C15orf40: variants seen among roughly 807,000 people sequenced by gnomAD.
C15orf40 encodes UPF0235 protein C15orf40.
Under a neutral mutation model 13.9 loss-of-function variants are expected in C15orf40, and 9 were observed. That is an observed-to-expected ratio of 0.65 (90% CI 0.39 to 1.13). The LOEUF (loss-of-function observed/expected upper bound fraction) is 1.13, where lower values mean the gene tolerates loss of function less well. C15orf40 is among the 50% of genes most tolerant of loss of function. The pLI is 0.01. For synonymous variants in C15orf40, 95 were observed against 69.2 expected, an observed-to-expected ratio of 1.37 and a Z score of -1.85; for missense variants, 225 against 188.5, an observed-to-expected ratio of 1.19 and a Z score of -1.13.
intron 1 of C15orf40, chr15:83,010,954 G>A (rs17158132): frequency 0.051 from 7,892 of 155,332 alleles, 242 homozygotes; most frequent in East Asian, 0.12. Flanking sequence ...GTGCACCGAT[G>A]AGATAGGCAC....
rs1240262853 is a variant in C15orf40, at chr15:83,002,578, GGGCT to G, written c.*3015_*3018del. On this transcript the variant is annotated 3_prime_UTR_variant, in exon 4 of 4. Coordinates refer to ENST00000304177, the MANE Select transcript of C15orf40 (RefSeq NM_144597.3). ...ATAGAATGGCATTCCCTGATCACAGGGGCTGGCTTAGAAATTTCATGTGACTTGA... is the reference window on the plus strand; with the variant it reads ...ATAGAATGGCATTCCCTGATCACAGGGGCTTAGAAATTTCATGTGACTTGA... 6.6e-6 allele frequency: 1 copy of G among 152,236 alleles called. No homozygotes were observed. The highest frequency in any genetic ancestry group is 1.5e-5 in the Non-Finnish European group (1 of 68,058). The allele number at this position is 152,236 out of a possible 1,614,324, so 9.4% of individuals were successfully genotyped here. A position where few individuals can be genotyped will look rare whatever the true frequency, so the allele number is the denominator to read the frequency against.
chr15:83,004,252 A>G lies in C15orf40; in HGVS notation c.*1345T>C. On this transcript the variant is annotated 3_prime_UTR_variant, in exon 4 of 4. Transcript: ENST00000304177. ...CAACCTTCCAAAGCGCTGGGATTAC[A>G]GGCGTGAGCCACCAAGCCCAGCTAC... The G allele has an allele frequency of 1.1e-6, 1 of 902,926 alleles. No homozygotes were observed. The highest frequency in any genetic ancestry group is 1.3e-6 in the Non-Finnish European group (1 of 754,808). 55.9% of individuals were successfully genotyped at this position (902,926 alleles called of 1,614,324 possible).
chr15:82,991,209 C>A (rs1433714226), downstream of C15orf40, among the ~76,000 whole-genome samples: 2 of 152,014 alleles, frequency 1.3e-5, no homozygotes, highest in African/African-American at 4.8e-5. Flanking sequence ...TTAACAGGCA[C>A]CTTCCTGACT....
intron 3 of C15orf40, chr15:83,007,829 T>A (rs2031771230): frequency 6.6e-6 from 1 of 151,320 alleles, no homozygotes. Context: ...GAGGCAGAGG[T>A]TGCAGTGAGC....
At position 83,000,931 on chromosome 15, in the gene C15orf40, G is replaced by T; in HGVS notation, c.*4666C>A. 1 of 189,958 alleles carries T rather than the reference G, an allele frequency of 5.3e-6. No individual in the cohort carries two copies. Among genetic ancestry groups the T allele is most frequent in the Non-Finnish European group, 9.8e-6 (1 of 102,444 alleles). The allele number at this position is 189,958 out of a possible 1,614,324, so 11.8% of individuals were successfully genotyped here. A position where few individuals can be genotyped will look rare whatever the true frequency, so the allele number is the denominator to read the frequency against. The stretch of plus-strand genomic sequence containing the variant: ...GGGTTCAAGCAATTCTCAGGCCTCA[G>T]CCTCCCAAGTAGCTGGGACTACAGG... On this transcript the variant is annotated 3_prime_UTR_variant, in exon 4 of 4. Coordinates refer to ENST00000304177, the MANE Select transcript of C15orf40 (RefSeq NM_144597.3).
In C15orf40 at chr15:83,005,329, G is replaced by T; in HGVS notation, c.*268C>A. ...GAGAGAGTTTCACTCTTGTTGCCCAGGCTGGAGTGCAACGGCGCGATCTCG... is the reference window on the plus strand; with the variant it reads ...GAGAGAGTTTCACTCTTGTTGCCCATGCTGGAGTGCAACGGCGCGATCTCG... On this transcript the variant is annotated 3_prime_UTR_variant, in exon 4 of 4. Transcript: ENST00000304177. The T allele has an allele frequency of 1.1e-6, 1 of 931,734 alleles. No individual in the cohort carries two copies. The highest frequency in any genetic ancestry group is 1.3e-6 in the Non-Finnish European group (1 of 765,066). 57.7% of individuals were successfully genotyped at this position (931,734 alleles called of 1,614,324 possible). A position where few individuals can be genotyped will look rare whatever the true frequency, so the allele number is the denominator to read the frequency against.
At position 82,999,574 on chromosome 15, in the gene C15orf40, T is replaced by C. The variant is rs1421173754; in HGVS notation, c.*6023A>G. 1 of 152,202 alleles carries C rather than the reference T, an allele frequency of 6.6e-6. No homozygotes were observed. The highest frequency in any genetic ancestry group is 1.5e-5 in the Non-Finnish European group (1 of 68,052). 9.4% of individuals were successfully genotyped at this position (152,202 alleles called of 1,614,324 possible). A position where few individuals can be genotyped will look rare whatever the true frequency, so the allele number is the denominator to read the frequency against. ...ATGTGGTGTGAGCAGCTATCACGTG[T>C]ACATGCCACCCAGTACGGCTGTAGA... On this transcript the variant is annotated 3_prime_UTR_variant, in exon 4 of 4. Coordinates refer to ENST00000304177, the MANE Select transcript of C15orf40 (RefSeq NM_144597.3).
chr15:82,989,786 T>C (rs916965390), downstream of C15orf40: 4 of 1,427,378 alleles, frequency 2.8e-6, no homozygotes, highest in Non-Finnish European at 3.8e-6. Context: ...ATTTATTGTG[T>C]ATTAGAATGA....
At chr15:82,990,290 T>A, downstream of C15orf40, 1 of 241,826 alleles carries the variant, frequency 4.1e-6, no homozygotes, top group Non-Finnish European at 6.7e-6. Context: ...CCTCAGAATC[T>A]TCTTTGTTTC....
At position 83,011,553 on chromosome 15, in the gene C15orf40, C is replaced by A. The variant is rs781400072; in HGVS notation, c.55G>T (p.Gly19Cys). 3 of 1,606,884 alleles carry A rather than the reference C, an allele frequency of 1.9e-6. No individual in the cohort carries two copies. Among genetic ancestry groups the A allele is most frequent in the Admixed American group, 1.7e-5 (1 of 59,868 alleles). Reference sequence around the variant, plus strand: ...TCGGCGCAAAGAAGCCGAGCGGAGCCCCGAGTATTGGGTGTTGCCCGAAGG... The same window carrying A: ...TCGGCGCAAAGAAGCCGAGCGGAGCACCGAGTATTGGGTGTTGCCCGAAGG... ...RHLRATPNTR[G>C]SARLLCAEMP... The change falls in exon 1 of 4, where the codon GGC becomes TGC. Residue 19 changes from glycine to cysteine, a missense_variant. Gly to Cys is a radical substitution (Grantham distance 159, BLOSUM62 -3). Coordinates refer to ENST00000304177, the MANE Select transcript of C15orf40 (RefSeq NM_144597.3).
At chr15:83,006,103 T>C (rs2031665655) in intron 3 of C15orf40, among the ~76,000 whole-genome samples, 1 of 151,840 alleles carries the variant, frequency 6.6e-6, no homozygotes. Context: ...TGGTGGCATG[T>C]GCCTGTAATC....
downstream of C15orf40, chr15:82,991,805 T>C: frequency 9.2e-7 from 1 of 1,085,184 alleles, no homozygotes; most frequent in Non-Finnish European, 1.2e-6. Flanking sequence ...ATTACATCAG[T>C]AGGCAAGAAG....
At chr15:82,993,009 A>C (rs2030925416), downstream of C15orf40, among the ~76,000 whole-genome samples, 1 of 152,014 alleles carries the variant, frequency 6.6e-6, no homozygotes, top group Non-Finnish European at 1.5e-5. Flanking sequence ...CAAATAAAAT[A>C]GTGTCAAATA....
In C15orf40 at chr15:82,996,916, G is replaced by C. The variant is rs1179029874; in HGVS notation, c.*8681C>G. 2.0e-5 allele frequency: 3 copies of C among 150,946 alleles called. No homozygotes were observed. Among genetic ancestry groups the C allele is most frequent in the African/African-American group, 4.8e-5 (2 of 41,306 alleles). 9.4% of individuals were successfully genotyped at this position (150,946 alleles called of 1,614,324 possible). A position where few individuals can be genotyped will look rare whatever the true frequency, so the allele number is the denominator to read the frequency against. On this transcript the variant is annotated 3_prime_UTR_variant, in exon 4 of 4. Coordinates refer to ENST00000304177, the MANE Select transcript of C15orf40 (RefSeq NM_144597.3). ...GCCTGTAATCCCAGCTACTTGGAAG[G>C]CTGAGGCAGGAGAATCGCTTGAACC...
Position 83,010,221 on chromosome 15 carries a change from C to T in C15orf40, c.238+16G>A. 6.2e-7 allele frequency: 1 copy of T among 1,614,012 alleles called. No individual in the cohort carries two copies. The highest frequency in any genetic ancestry group is 8.5e-7 in the Non-Finnish European group (1 of 1,179,922). On this transcript the variant is annotated intron_variant, in intron 2 of 3. Coordinates refer to ENST00000304177, the MANE Select transcript of C15orf40 (RefSeq NM_144597.3). ...CCTGATTCACACTTGAATCCCACCC[C>T]AGTGTCCAGGTATACCTGTTACAGC...
At chr15:83,007,664 G>T (rs1223266111) in intron 3 of C15orf40, among the ~76,000 whole-genome samples, 1 of 152,142 alleles carries the variant, frequency 6.6e-6, no homozygotes, top group Non-Finnish European at 1.5e-5. Context: ...GCTGAGGTGG[G>T]CAGATCAGTT....
intron 3 of C15orf40, chr15:83,006,606 G>T: frequency 3.3e-6 from 1 of 304,174 alleles, no homozygotes; most frequent in Non-Finnish European, 4.8e-6. Flanking sequence ...CTAAAAATTA[G>T]CCAGACGTGT....
At chr15:83,008,767 GGC>G in intron 2 of C15orf40, 92 bp from the exon 3 acceptor site, 1 of 1,370,184 alleles carries the variant, frequency 7.3e-7, no homozygotes, top group Non-Finnish European at 9.8e-7. Flanking sequence ...GCATTTGCCT[GGC>G]ACACAGATTT....
rs763317306 is a variant in C15orf40, at chr15:83,008,618, G to A, written c.296C>T (p.Ala99Val). The change falls in exon 3 of 4, where the codon GCT (alanine) becomes GTT (valine). Residue 99 changes from alanine (A) to valine (V), a missense_variant. Transcript: ENST00000304177. Reference sequence around the variant, plus strand: ...AAGATACCGACAGAGCTCAGCATTAGCCTCTCCCTCTGATGGAGGTGCTGC... The same window carrying A: ...AAGATACCGACAGAGCTCAGCATTAACCTCTCCCTCTGATGGAGGTGCTGC... ...AIAAPPSEGE[A>V]NAELCRYLSK... The A allele has an allele frequency of 5.6e-6, 9 of 1,613,788 alleles. No homozygotes were observed. In the South Asian group the frequency reaches 9.9e-5, roughly 18 times the overall value.
Sources: gnomAD v4.1 joint callset for allele counts (sites outside exome capture counted in the v4.1 genomes callset) on GRCh38, gnomAD v4.1.1 for gene constraint, MANE v1.5 for transcripts, NCBI Gene and HGNC (gene_info 2026-07-23, HGNC 2026-07-21) for gene names.